Variants in SYNGR1 observed in about 807,000 individuals in gnomAD.
The protein encoded by SYNGR1 is synaptogyrin-1.
SYNGR1 carries 14 observed loss-of-function variants against 26.1 expected under a neutral mutation model. The ratio of observed to expected loss-of-function variants is 0.54; its 90% CI spans 0.35 to 0.84. The LOEUF (loss-of-function observed/expected upper bound fraction) is 0.84. Among genes scored for constraint, SYNGR1 ranks in the 40% least tolerant of loss-of-function variants. The probability of loss-of-function intolerance (pLI) is 0.01; values close to 1 mark genes in which losing one functional copy is unlikely to be tolerated. For synonymous variants in SYNGR1, 141 were observed against 150.1 expected (o/e 0.94, Z 0.44); for missense variants, 319 against 332.9 (o/e 0.96, Z 0.33).
At chr22:39,365,987 T>G (rs1924734675) in intron 1 of SYNGR1, among the ~76,000 whole-genome samples, 1 of 141,042 alleles carries the variant, frequency 7.1e-6, no homozygotes, top group South Asian at 2.4e-4. Flanking sequence ...CTCAGCCCCT[T>G]CTTTTTTTTT....
rs539189640 is a variant in SYNGR1 at position 39,376,045 on chromosome 22, C to A, written c.338-7C>A. On this transcript the variant is annotated splice_polypyrimidine_tract_variant and splice_region_variant and intron_variant, in intron 2 of 3. Transcript: ENST00000328933. Reference sequence around the variant, plus strand: ...TGCCTATTCTGCCCGGTCCTGGGACCCCCCAGCCTTCTGGGCTTTCCTCTG... The same window carrying A: ...TGCCTATTCTGCCCGGTCCTGGGACACCCCAGCCTTCTGGGCTTTCCTCTG... The A allele has an allele frequency of 1.2e-5, 19 of 1,614,070 alleles. No homozygotes were observed. Among genetic ancestry groups the A allele is most frequent in the Non-Finnish European group, 1.6e-5 (19 of 1,180,042 alleles).
At chr22:39,364,321 C>G (rs759904371) in intron 1 of SYNGR1, 3 of 1,613,854 alleles carry the variant, frequency 1.9e-6, no homozygotes, top group Non-Finnish European at 2.5e-6. Flanking sequence ...TGCTGTGGGT[C>G]AGCGAGAGGC....
intron 3 of SYNGR1, among the ~76,000 whole-genome samples, chr22:39,378,544 A>G (rs530695412): frequency 6.6e-6 from 1 of 152,040 alleles, no homozygotes; most frequent in East Asian, 1.9e-4. Context: ...CTGGGCAGGA[A>G]CTCACCCATT....
chr22:39,373,004 C>T (rs1011810849), intron 1 of SYNGR1, among the ~76,000 whole-genome samples: 1 of 152,070 alleles, frequency 6.6e-6, no homozygotes, highest in Non-Finnish European at 1.5e-5. Flanking sequence ...CACTTACTCC[C>T]AGAAGTGATA....
At position 39,353,232 on chromosome 22, in the gene SYNGR1, C is replaced by T. The variant is rs188034588; in HGVS notation, c.99+3123C>T. 1.0e-3 allele frequency among the ~76,000 whole-genome samples: 154 copies of T among 152,260 alleles called. 1 individual carries two copies. Among genetic ancestry groups the T allele is most frequent in the African/African-American group, 3.6e-3 (148 of 41,528 alleles). On this transcript the variant is annotated intron_variant, in intron 1 of 3. Coordinates refer to ENST00000328933, the MANE Select transcript of SYNGR1 (RefSeq NM_004711.5). ...TCTGTTGCTTTTCCAAAAGAGGGCC[C>T]CCAAATCATGTAAGCTTCAGGGCCT... is the stretch of plus-strand genomic sequence containing the variant.
chr22:39,381,974 C>A lies in SYNGR1; in HGVS notation c.*60C>A, dbSNP rs1317988727. ...CTGTCCCCTCTCTCCACACCCAGCC[C>A]CTGCTCCTGCCCAGGCTGCCCTGCC... On this transcript the variant is annotated 3_prime_UTR_variant, in exon 4 of 4. Coordinates refer to ENST00000328933, the MANE Select transcript of SYNGR1 (RefSeq NM_004711.5). 1.3e-6 allele frequency: 2 copies of A among 1,523,086 alleles called. No homozygotes were observed. The highest frequency in any genetic ancestry group is 1.8e-6 in the Non-Finnish European group (2 of 1,128,460). The allele number at this position is 1,523,086 out of a possible 1,614,324, so 94.3% of individuals were successfully genotyped here.
chr22:39,375,045 A>G (rs1421881166), intron 2 of SYNGR1: 1 of 192,554 alleles, frequency 5.2e-6, no homozygotes, highest in Non-Finnish European at 1.1e-5. Flanking sequence ...TTTGCCCTTC[A>G]GAAGCAGCCT....
chr22:39,384,893 A>G lies in SYNGR1; in HGVS notation c.*2979A>G. ...GCACAGAGGGAGAGGTTCAGGAGTC[A>G]GGTCTTCTGCCTTCTGAGTTGGCTC... On this transcript the variant is annotated 3_prime_UTR_variant, in exon 4 of 4. Coordinates refer to ENST00000328933, the MANE Select transcript of SYNGR1 (RefSeq NM_004711.5). 1 of 398,914 alleles carries G rather than the reference A, an allele frequency of 2.5e-6. No individual in the cohort carries two copies. The highest frequency in any genetic ancestry group is 4.4e-6 in the Non-Finnish European group (1 of 226,130). The allele number at this position is 398,914 out of a possible 1,614,324, so 24.7% of individuals were successfully genotyped here.
At chr22:39,377,590 C>G in intron 3 of SYNGR1, 2 of 1,613,414 alleles carry the variant, frequency 1.2e-6, no homozygotes, top group Non-Finnish European at 1.7e-6. Flanking sequence ...CCTACTCTCT[C>G]CTGGCAGAGC....
intron 1 of SYNGR1, among the ~76,000 whole-genome samples, chr22:39,369,610 G>GT (rs1379626524): frequency 2.0e-5 from 3 of 152,208 alleles, no homozygotes; most frequent in African/African-American, 4.8e-5. Context: ...TGGGAATCAG[G>GT]AGACCTGGGT....
At chr22:39,355,348 A>G (rs1024707205) in intron 1 of SYNGR1, among the ~76,000 whole-genome samples, 2 of 152,252 alleles carry the variant, frequency 1.3e-5, no homozygotes, top group African/African-American at 4.8e-5. Context: ...AGTACCGGGC[A>G]CAGCCCTGTC....
At chr22:39,377,769 T>C in intron 3 of SYNGR1, 1 of 1,568,000 alleles carries the variant, frequency 6.4e-7, no homozygotes, top group South Asian at 1.2e-5. Context: ...GTGCCAGAAA[T>C]GTCCAAGATG....
intron 1 of SYNGR1, among the ~76,000 whole-genome samples, chr22:39,356,386 C>T (rs1019858898): frequency 6.6e-6 from 1 of 152,146 alleles, no homozygotes; most frequent in African/African-American, 2.4e-5. Flanking sequence ...TGCCGTAAGT[C>T]TGCTGTGGTG....
chr22:39,363,808 G>T (rs1435070492), intron 1 of SYNGR1, among the ~76,000 whole-genome samples: 1 of 152,124 alleles, frequency 6.6e-6, no homozygotes, highest in Non-Finnish European at 1.5e-5. Flanking sequence ...AGGGACCAGG[G>T]CTCCCCCGAG....
intron 2 of SYNGR1, chr22:39,375,556 A>C: frequency 3.5e-6 from 1 of 288,120 alleles, no homozygotes; most frequent in Admixed American, 4.8e-5. Flanking sequence ...CACCCAGCCA[A>C]GCTGCCATCC....
chr22:39,352,606 C>T (rs1431853276), intron 1 of SYNGR1, among the ~76,000 whole-genome samples: 1 of 152,164 alleles, frequency 6.6e-6, no homozygotes, highest in Non-Finnish European at 1.5e-5. Context: ...TTAAACACAT[C>T]AGGAGCTGCG....
At chr22:39,370,135 T>TTTTTG (rs1041761206) in intron 1 of SYNGR1, among the ~76,000 whole-genome samples, 2 of 152,040 alleles carry the variant, frequency 1.3e-5, no homozygotes, top group South Asian at 2.1e-4. Context: ...ACTCAGCTAA[T>TTTTTG]TTTTGTTTTG....
Position 39,349,993 on chromosome 22 carries a change from C to G in SYNGR1, c.-18C>G, listed in dbSNP as rs760723102. On this transcript the variant is annotated 5_prime_UTR_variant, in exon 1 of 4. Transcript: ENST00000328933. ...GCGGCGCGCGCCGAGCGGGGGGCAC[C>G]GCGCGGGTGCAGCCACGATGGAAGG... The G allele has an allele frequency of 6.0e-6, 7 of 1,170,414 alleles. No homozygotes were observed. The highest frequency in any genetic ancestry group is 7.5e-6 in the Non-Finnish European group (7 of 930,680). 72.5% of individuals were successfully genotyped at this position (1,170,414 alleles called of 1,614,324 possible).
chr22:39,377,525 C>G, intron 3 of SYNGR1: 10 of 1,578,118 alleles, frequency 6.3e-6, no homozygotes, highest in Non-Finnish European at 8.6e-6. Flanking sequence ...TGCCCGGCCC[C>G]CTGAAGCCAG....
Sources: gnomAD v4.1 joint callset for allele counts (sites outside exome capture counted in the v4.1 genomes callset) on GRCh38, gnomAD v4.1.1 for gene constraint, MANE v1.5 for transcripts, NCBI Gene and HGNC (gene_info 2026-07-23, HGNC 2026-07-21) for gene names.